Variants in ERG observed in about 807,000 individuals in gnomAD.
The protein encoded by ERG is transcriptional regulator ERG.
A neutral mutation model predicts 55.3 loss-of-function variants in ERG; 9 were observed. That is an observed-to-expected ratio of 0.16 (90% CI 0.10 to 0.28). The LOEUF (loss-of-function observed/expected upper bound fraction) is 0.28, where lower values mean the gene tolerates loss of function less well. Ranked by LOEUF, ERG falls within the 10% of genes least tolerant of loss-of-function variation. The pLI is 1.00. For synonymous variants in ERG, 223 were observed against 237.3 expected (o/e 0.94, Z 0.55); for missense variants, 434 against 631.6 (o/e 0.69, Z 3.35).
intron 4 of ERG, 76 bp from the exon 5 acceptor site, chr21:38,402,713 A>C (rs1379744941): frequency 3.5e-5 from 4 of 112,896 alleles, no homozygotes; most frequent in East Asian, 4.4e-4. Flanking sequence ...CCTTTCTTAC[A>C]AAAAAAAAAA....
intron 1 of ERG, among the ~76,000 whole-genome samples, chr21:38,453,823 G>T (rs1453936080): frequency 6.7e-6 from 1 of 149,728 alleles, no homozygotes; most frequent in African/African-American, 2.5e-5. Context: ...GGGGGAGGCT[G>T]CAGTGAGCTG....
chr21:38,383,465 T>C lies in ERG; in HGVS notation c.1378A>G (p.Ile460Val), dbSNP rs1987541235. Residue 460 changes from isoleucine to valine, a missense_variant, in exon 10 of 10, where the codon ATA becomes GTA. Ile to Val is a conservative substitution (Grantham distance 29). Around this residue, in one of 5 missense-constraint regions of ERG, gnomAD observed 107 missense variants for 126.8 expected, o/e 0.84. Coordinates refer to ENST00000288319, the MANE Select transcript of ERG (RefSeq NM_182918.4). This position sits in a 1 kb window ranked among gnomAD's most constrained non-coding sequence, Gnocchi z 5.7. ...GTGGGGAGCCTAGTGTTGGGGTATATACCCCCAGTTGGTGAATTCCAGTAT... is the reference window on the plus strand; with the variant it reads ...GTGGGGAGCCTAGTGTTGGGGTATACACCCCCAGTTGGTGAATTCCAGTAT... The part of the protein sequence containing the change: ...NPYWNSPTGG[I>V]YPNTRLPTSH... 2.0e-6 allele frequency: 3 copies of C among 1,532,864 alleles called. No homozygotes were observed. Among genetic ancestry groups the C allele is most frequent in the Non-Finnish European group, 2.6e-6 (3 of 1,138,486 alleles). 95.0% of individuals were successfully genotyped at this position (1,532,864 alleles called of 1,614,324 possible).
At chr21:38,632,317 A>T (rs754149513) in intron 1 of ERG, among the ~76,000 whole-genome samples, 5 of 152,202 alleles carry the variant, frequency 3.3e-5, no homozygotes, top group Non-Finnish European at 7.3e-5. Context: ...AAACACAAAG[A>T]GATGTCACCT....
At position 38,460,117 on chromosome 21, in the gene ERG, G is replaced by A. The variant is rs374333671; in HGVS notation, c.19-14496C>T. ...GCCCCCATGCATTCATGAAGAATAGGCCTTCCAGCCTTGGCAACAGCTAGA... is the reference window on the plus strand; with the variant it reads ...GCCCCCATGCATTCATGAAGAATAGACCTTCCAGCCTTGGCAACAGCTAGA... On this transcript the variant is annotated intron_variant, in intron 1 of 9. Coordinates refer to ENST00000288319, the MANE Select transcript of ERG (RefSeq NM_182918.4). This position sits in a 1 kb window ranked among gnomAD's most constrained non-coding sequence, Gnocchi z 5.0. Among the ~76,000 whole-genome samples, 11 of 152,300 alleles carry A rather than the reference G, an allele frequency of 7.2e-5. No homozygotes were observed. The East Asian group carries it at 2.1e-3, about 29-fold the overall frequency.
chr21:38,612,117 AAC>A (rs2060231206), intron 1 of ERG, among the ~76,000 whole-genome samples: 5 of 152,162 alleles, frequency 3.3e-5, no homozygotes, highest in African/African-American at 1.2e-4. Flanking sequence ...CCAAGTGAAA[AAC>A]ACACAGAATG....
rs2059895514 is a variant in ERG at position 38,561,968 on chromosome 21, AT to A, written c.-41+13693del. 1.3e-5 allele frequency among the ~76,000 whole-genome samples: 2 copies of A among 152,240 alleles called. 1 individual carries two copies. Among genetic ancestry groups the A allele is most frequent in the South Asian group, 4.1e-4 (2 of 4,832 alleles). On this transcript the variant is annotated intron_variant, in intron 2 of 8. Coordinates refer to the ERG transcript ENST00000398897. ...AACACAACCAGAATTTTGGAATTTG[AT>A]CTTTAAAATAATAAAAAAACTTTCT...
At chr21:38,471,065 A>G (rs1298097543) in intron 1 of ERG, 1 of 152,240 alleles carries the variant, frequency 6.6e-6, no homozygotes, top group Non-Finnish European at 1.5e-5. Flanking sequence ...GTTGCCAGTG[A>G]GCAGTGCATA....
At chr21:38,462,397 A>T (rs965574675) in intron 1 of ERG, among the ~76,000 whole-genome samples, 1 of 152,132 alleles carries the variant, frequency 6.6e-6, no homozygotes, top group Non-Finnish European at 1.5e-5. Context: ...TCCTCAACCA[A>T]TCTTAAGAAC....
chr21:38,465,020 T>G (rs776353552), intron 1 of ERG, among the ~76,000 whole-genome samples: 4 of 152,210 alleles, frequency 2.6e-5, no homozygotes, highest in Non-Finnish European at 5.9e-5. Context: ...ATTTGCTCCC[T>G]AGTCCTAGGA....
intron 9 of ERG, among the ~76,000 whole-genome samples, chr21:38,389,659 A>T (rs974351331): frequency 1.3e-5 from 2 of 151,170 alleles, no homozygotes; most frequent in Non-Finnish European, 2.9e-5. Flanking sequence ...CAGCATGAGC[A>T]AAAAGGGCCT....
At chr21:38,637,121 A>C (rs2060394204) in intron 1 of ERG, among the ~76,000 whole-genome samples, 1 of 152,188 alleles carries the variant, frequency 6.6e-6, no homozygotes, top group Admixed American at 6.5e-5. Flanking sequence ...CTGCTCAGCC[A>C]CTAGCCTCTC....
At chr21:38,371,464 G>GA in the ERG span, among the ~76,000 whole-genome samples, 1 of 151,892 alleles carries the variant, frequency 6.6e-6, no homozygotes. Flanking sequence ...TGACAGCAAA[G>GA]AAAATGCTTT....
intron 1 of ERG, among the ~76,000 whole-genome samples, chr21:38,483,566 C>T (rs115231262): frequency 0.017 from 2,652 of 152,168 alleles, 91 homozygotes; most frequent in African/African-American, 0.061. Flanking sequence ...AAGCAATTCT[C>T]GGCCAGGCAT....
chr21:38,598,257 G>A (rs9977611), intron 1 of ERG, among the ~76,000 whole-genome samples: 63,921 of 152,004 alleles, frequency 0.42, 13,926 homozygotes, highest in Middle Eastern at 0.57. Flanking sequence ...CATCAGAATC[G>A]CTGAGGCATT....
intron 1 of ERG, among the ~76,000 whole-genome samples, chr21:38,619,344 T>C (rs1568953740): frequency 6.6e-6 from 1 of 152,072 alleles, no homozygotes; most frequent in Non-Finnish European, 1.5e-5. Context: ...CCTCCTCCTC[T>C]CTATTCCTCT....
rs115578220 is a variant in ERG at position 38,472,301 on chromosome 21, T to C, written c.18+26062A>G. On this transcript the variant is annotated intron_variant, in intron 1 of 9. Coordinates refer to ENST00000288319, the MANE Select transcript of ERG (RefSeq NM_182918.4). Reference sequence around the variant, plus strand: ...GAAAATACTGCATGCCAGCACTCTATGCAATGGGTGTTACACTAGCCATTA... The same window carrying C: ...GAAAATACTGCATGCCAGCACTCTACGCAATGGGTGTTACACTAGCCATTA... 5.7e-3 allele frequency among the ~76,000 whole-genome samples: 862 copies of C among 152,298 alleles called. 13 individuals are homozygous for C. Among genetic ancestry groups the C allele is most frequent in the African/African-American group, 0.02 (823 of 41,554 alleles).
chr21:38,550,994 G>C (rs1376886691), intron 2 of ERG, among the ~76,000 whole-genome samples: 2 of 152,204 alleles, frequency 1.3e-5, no homozygotes, highest in Non-Finnish European at 2.9e-5. Flanking sequence ...ATATCAGTTG[G>C]AAAGTAAGTT....
intron 2 of ERG, among the ~76,000 whole-genome samples, chr21:38,427,350 CA>C (rs1216240626): frequency 3.9e-5 from 6 of 152,252 alleles, no homozygotes; most frequent in African/African-American, 1.4e-4. Flanking sequence ...GCTGGGATTA[CA>C]GGCGTGAGCC....
chr21:38,381,024 G>A lies in ERG; in HGVS notation c.*2379C>T, dbSNP rs1208271109. ...TTATTTATTTTCCCTAAGGAGATAC[G>A]GGCACTTTGTGGGCCTTCCCAGGCT... On this transcript the variant is annotated 3_prime_UTR_variant, in exon 10 of 10. Coordinates refer to ENST00000288319, the MANE Select transcript of ERG (RefSeq NM_182918.4). 32 of 1,064,026 alleles carry A rather than the reference G, an allele frequency of 3.0e-5. 1 individual carries two copies. In the South Asian group the frequency reaches 4.6e-4, roughly 15 times the overall value. 65.9% of individuals were successfully genotyped at this position (1,064,026 alleles called of 1,614,324 possible). A position where few individuals can be genotyped will look rare whatever the true frequency, so the allele number is the denominator to read the frequency against.
Sources: gnomAD v4.1 joint callset for allele counts (sites outside exome capture counted in the v4.1 genomes callset) on GRCh38, gnomAD v4.1.1 for gene constraint, gnomAD v4.1.1 regional missense constraint, Gnocchi (gnomAD v3.1) non-coding constraint, MANE v1.5 for transcripts, NCBI Gene and HGNC (gene_info 2026-07-23, HGNC 2026-07-21) for gene names.